The following CSMD2 variants were observed in gnomAD, a reference collection of about 807,000 sequenced individuals.
CSMD2 encodes the protein CUB and sushi domain-containing protein 2.
CSMD2 carries 130 observed loss-of-function variants against 398.5 expected under a neutral mutation model. That is an observed-to-expected ratio of 0.33 (90% CI 0.28 to 0.38). The LOEUF is 0.38. CSMD2 is among the 10% of genes least tolerant of loss of function. The pLI is 1.00. For missense variants in CSMD2, 3,829 were observed against 4,764.9 expected, an observed-to-expected ratio of 0.80 and a Z score of 5.78; for synonymous variants, 1,828 against 1,908.5, an observed-to-expected ratio of 0.96 and a Z score of 1.10.
chr1:33,656,789 G>C (rs1643960955), intron 27 of CSMD2, among the ~76,000 whole-genome samples: 1 of 152,190 alleles, frequency 6.6e-6, no homozygotes, highest in South Asian at 2.1e-4. Flanking sequence ...TCAGTTTCAA[G>C]TGTAAATGAG....
chr1:33,625,111 C>G lies in CSMD2; in HGVS notation c.5440G>C (p.Glu1814Gln), dbSNP rs866162836. The G allele has an allele frequency of 2.5e-6, 4 of 1,613,942 alleles. No individual in the cohort carries two copies. The highest frequency in any genetic ancestry group is 3.4e-6 in the Non-Finnish European group (4 of 1,180,020). ...GYALQGSPEI[E>Q]CLPVPGALAQ... ...AAGGCCCCAGGCACAGGGAGGCACT[C>G]GATCTCTGGCGACCCCTGCAGGGCA... The change falls in exon 34 of 71, where the codon GAG becomes CAG. Residue 1814 changes from glutamate (E) to glutamine (Q), a missense_variant. Coordinates refer to ENST00000373381, the MANE Select transcript of CSMD2 (RefSeq NM_001281956.2).
At position 33,550,164 on chromosome 1, in the gene CSMD2, C is replaced by T. The variant is rs1330355283; in HGVS notation, c.8917+13G>A. On this transcript the variant is annotated intron_variant, in intron 56 of 70. Transcript: ENST00000373381. ...TTCCACTGGAGCTCTTTCCTCAATG[C>T]CATGCACCATACCTGAGCAGTGAGG... 1.2e-6 allele frequency: 2 copies of T among 1,610,582 alleles called. No individual in the cohort carries two copies. The highest frequency in any genetic ancestry group is 1.7e-5 in the Admixed American group (1 of 59,934).
At chr1:33,556,606 T>C (rs992037648) in intron 55 of CSMD2, among the ~76,000 whole-genome samples, 1 of 152,170 alleles carries the variant, frequency 6.6e-6, no homozygotes, top group Admixed American at 6.5e-5. Flanking sequence ...TGCTCTTCTC[T>C]TAAGGACGTG....
intron 22 of CSMD2, among the ~76,000 whole-genome samples, chr1:33,704,356 C>T (rs561589934): frequency 2.6e-4 from 39 of 152,140 alleles, no homozygotes; most frequent in Non-Finnish European, 4.1e-4. Context: ...TACAATGCTG[C>T]GTTCTATTGG....
intron 3 of CSMD2, among the ~76,000 whole-genome samples, chr1:34,015,874 ATCT>A (rs914039516): frequency 6.6e-6 from 1 of 152,154 alleles, no homozygotes; most frequent in African/African-American, 2.4e-5. Context: ...ACACGAATAA[ATCT>A]TCAGCAGGAA....
chr1:33,699,104 G>T (rs1188758149), intron 23 of CSMD2, among the ~76,000 whole-genome samples, 160 bp from the exon 24 acceptor site: 1 of 152,178 alleles, frequency 6.6e-6, no homozygotes, highest in Non-Finnish European at 1.5e-5. Flanking sequence ...TCTATGCTCA[G>T]TTGAGGGTAT....
chr1:34,039,389 G>GC (rs910013515), intron 2 of CSMD2, among the ~76,000 whole-genome samples: 1 of 152,212 alleles, frequency 6.6e-6, no homozygotes, highest in African/African-American at 2.4e-5. Context: ...TAAGCAAAGA[G>GC]CCCCTGCAAA....
intron 12 of CSMD2, among the ~76,000 whole-genome samples, chr1:33,778,688 C>T (rs556393126): frequency 7.9e-5 from 12 of 152,328 alleles, no homozygotes; most frequent in Middle Eastern, 3.4e-3. Flanking sequence ...GCCTGCCCCA[C>T]GGCCCCTGCC....
chr1:33,525,206 G>T (rs1486838144), intron 65 of CSMD2, among the ~76,000 whole-genome samples, 163 bp from the exon 66 acceptor site: 4 of 152,142 alleles, frequency 2.6e-5, no homozygotes. Flanking sequence ...CTCGTCTTGT[G>T]TCTCAGAGTG....
intron 1 of CSMD2, among the ~76,000 whole-genome samples, chr1:34,097,994 C>T: frequency 8.4e-6 from 1 of 119,678 alleles, no homozygotes. Context: ...TTCACAATAG[C>T]AAAGACTTGG....
At position 33,636,390 on chromosome 1, in the gene CSMD2, C is replaced by T. The variant is rs778457161; in HGVS notation, c.4939G>A (p.Val1647Met). The stretch of plus-strand genomic sequence containing the variant: ...CAGACTGGCCGGGGATTGTTCCACA[C>T]GGGCTTCCCATCAGGCCCCAGGATG... Reference protein sequence around the residue: ...SCILGPDGKPVWNNPRPVCTA... With the variant: ...SCILGPDGKPMWNNPRPVCTA... Residue 1647 changes from valine to methionine, a missense_variant, in exon 30 of 71, where the codon GTG (valine) becomes ATG (methionine). This residue lies in a region of CSMD2 where 2,001 missense variants were observed against 2,567.1 expected (regional missense o/e 0.78). Coordinates refer to ENST00000373381, the MANE Select transcript of CSMD2 (RefSeq NM_001281956.2). The surrounding 1 kb of genome is among the most constrained non-coding windows in gnomAD (Gnocchi z 4.8). 2.8e-5 allele frequency: 45 copies of T among 1,612,672 alleles called. No individual in the cohort carries two copies. The highest frequency in any genetic ancestry group is 5.0e-5 in the Admixed American group (3 of 59,808).
chr1:33,891,034 G>T (rs1641975024), intron 5 of CSMD2, among the ~76,000 whole-genome samples: 1 of 152,066 alleles, frequency 6.6e-6, no homozygotes, highest in Non-Finnish European at 1.5e-5. Context: ...GGCAACAAAA[G>T]CCAGAATTGA....
chr1:33,790,689 ATCTATCTATCT>A (rs1654150340), intron 11 of CSMD2, among the ~76,000 whole-genome samples: 1 of 133,816 alleles, frequency 7.5e-6, no homozygotes, highest in Non-Finnish European at 1.6e-5. Context: ...CTATCTATCT[ATCTATCTATCT>A]ATCATCTATC....
chr1:33,611,075 G>A lies in CSMD2; in HGVS notation c.6309C>T (p.Ser2103=), dbSNP rs777961833. The change falls in exon 41 of 71, where the codon TCC becomes TCT. Residue 2103 remains serine (S), a synonymous_variant. Coordinates refer to ENST00000373381, the MANE Select transcript of CSMD2 (RefSeq NM_001281956.2). ...CCAGCTTGAATCCTGGCCGATTCTG[G>A]GAGTGGTCGCTGTGGAAATACACGG... ...ETTVYFHSDH[S]QNRPGFKLEY... 1.2e-6 allele frequency: 2 copies of A among 1,614,062 alleles called. No individual in the cohort carries two copies. Among genetic ancestry groups the A allele is most frequent in the South Asian group, 1.1e-5 (1 of 91,014 alleles).
At chr1:33,542,956 T>A in intron 57 of CSMD2, 60 bp from the exon 58 acceptor site, 1 of 1,476,674 alleles carries the variant, frequency 6.8e-7, no homozygotes, top group Non-Finnish European at 9.3e-7. Context: ...CCTAGGGGAC[T>A]GATAACTGCC....
At chr1:33,576,185 G>A (rs16835611) in intron 49 of CSMD2, among the ~76,000 whole-genome samples, 18,569 of 152,174 alleles carry the variant, frequency 0.12, 1,416 homozygotes, top group East Asian at 0.23. Context: ...TAAGTTTATC[G>A]TCACAAAGAA....
At chr1:33,521,194 G>A (rs1027223277) in intron 68 of CSMD2, among the ~76,000 whole-genome samples, 1 of 152,170 alleles carries the variant, frequency 6.6e-6, no homozygotes, top group South Asian at 2.1e-4. Flanking sequence ...GTATCTAAGA[G>A]CCAATGTCCC....
intron 1 of CSMD2, among the ~76,000 whole-genome samples, chr1:34,109,468 A>G (rs926508274): frequency 6.6e-6 from 1 of 152,154 alleles, no homozygotes; most frequent in African/African-American, 2.4e-5. Context: ...TCATCATGAA[A>G]CTTTTGCCAA....
intron 6 of CSMD2, among the ~76,000 whole-genome samples, chr1:33,830,115 G>A (rs1181733695): frequency 2.0e-5 from 3 of 152,222 alleles, no homozygotes; most frequent in Admixed American, 6.5e-5. Context: ...AGTAACCTCT[G>A]CAGACTTAAA....
Sources: gnomAD v4.1 joint callset for allele counts (sites outside exome capture counted in the v4.1 genomes callset) on GRCh38, gnomAD v4.1.1 for gene constraint, gnomAD v4.1.1 regional missense constraint, Gnocchi (gnomAD v3.1) non-coding constraint, MANE v1.5 for transcripts, NCBI Gene and HGNC (gene_info 2026-07-23, HGNC 2026-07-21) for gene names.